The following THOC5 variants were observed in gnomAD, a reference collection of about 807,000 sequenced individuals.
THOC5 encodes the protein Fms-interacting protein.
In THOC5, 43 loss-of-function variants were observed where a neutral mutation model predicts 92.9. The ratio of observed to expected loss-of-function variants is 0.46; its 90% confidence interval spans 0.36 to 0.60. The LOEUF (loss-of-function observed/expected upper bound fraction) is 0.60, where lower values mean the gene tolerates loss of function less well. THOC5 is among the 20% of genes least tolerant of loss of function. THOC5 has a pLI of 0.00. For missense variants in THOC5, 659 were observed against 849.4 expected (o/e 0.78, Z 2.79); for synonymous variants, 296 against 320.1 (o/e 0.92, Z 0.80).
At position 29,542,987 on chromosome 22, in the gene THOC5, G is replaced by A. The variant is rs117812970; in HGVS notation, c.355-31C>T. ...AGGAAAATACGATCAGAAGTGAGCA[G>A]GGCAAGTCAGGATGGAGCAGAGGAG... On this transcript the variant is annotated intron_variant, in intron 4 of 19. Transcript: ENST00000490103. The A allele has an allele frequency of 1.4e-3, 2,132 of 1,539,092 alleles. 5 individuals carry two copies. Among genetic ancestry groups the A allele is most frequent in the South Asian group, 3.1e-3 (276 of 88,000 alleles).
chr22:29,514,809 A>T (rs1441481233), intron 17 of THOC5, among the ~76,000 whole-genome samples: 2 of 148,942 alleles, frequency 1.3e-5, no homozygotes, highest in African/African-American at 5.0e-5. Flanking sequence ...GGGTTCGAGC[A>T]ATTCTCCTGC....
At chr22:29,549,024 G>A in intron 2 of THOC5, 28 bp downstream of exon 2, 6 of 1,609,256 alleles carry the variant, frequency 3.7e-6, no homozygotes, top group Non-Finnish European at 5.1e-6. Context: ...TAATTTCTCA[G>A]CAGCATGGCA....
chr22:29,532,849 G>A (rs936679907), intron 7 of THOC5, among the ~76,000 whole-genome samples: 7 of 150,834 alleles, frequency 4.6e-5, no homozygotes, highest in Admixed American at 4.0e-4. Context: ...GTGGGGGCAC[G>A]CACCTGTAAT....
Position 29,528,476 on chromosome 22 carries a change from C to G in THOC5, c.926-10G>C, listed in dbSNP as rs1303028337. On this transcript the variant is annotated splice_polypyrimidine_tract_variant and intron_variant, in intron 9 of 19. Coordinates refer to ENST00000490103, the MANE Select transcript of THOC5 (RefSeq NM_003678.5). ...GAGTCACTCTCGTCATCTGCAGCCA[C>G]AGAGAGAAGGCAGCTAGAGGTGAGG... is the stretch of plus-strand genomic sequence containing the variant. 5 of 1,612,920 alleles carry G rather than the reference C, an allele frequency of 3.1e-6. No individual in the cohort carries two copies. Among genetic ancestry groups the G allele is most frequent in the Non-Finnish European group, 3.4e-6 (4 of 1,180,034 alleles).
chr22:29,550,786 A>T (rs977110568), intron 1 of THOC5: 1 of 152,226 alleles, frequency 6.6e-6, no homozygotes, highest in Non-Finnish European at 1.5e-5. Flanking sequence ...GGTGATGAAG[A>T]TGACCTGGGA....
At chr22:29,526,813 T>C (rs1308547232) in intron 11 of THOC5, among the ~76,000 whole-genome samples, 1 of 152,080 alleles carries the variant, frequency 6.6e-6, no homozygotes, top group African/African-American at 2.4e-5. Flanking sequence ...AAATCCATAA[T>C]CTCAGTCTAA....
chr22:29,528,178 C>T lies in THOC5; in HGVS notation c.967-1G>A, dbSNP rs774470814. ...CCCCCAGTGTGGGTCTCCGGCGCTT[C>T]TGGACAAAGGAAAGTGCCAAGCTGA... On this transcript the variant is annotated splice_acceptor_variant, in intron 10 of 19. Coordinates refer to ENST00000490103, the MANE Select transcript of THOC5 (RefSeq NM_003678.5). LOFTEE classifies it high-confidence loss of function. The T allele has an allele frequency of 6.2e-7, 1 of 1,614,156 alleles. No individual in the cohort carries two copies. The highest frequency in any genetic ancestry group is 8.5e-7 in the Non-Finnish European group (1 of 1,180,016).
At chr22:29,527,240 C>G (rs1478057287) in intron 11 of THOC5, among the ~76,000 whole-genome samples, 1 of 151,966 alleles carries the variant, frequency 6.6e-6, no homozygotes, top group East Asian at 1.9e-4. Context: ...GGCAACATGA[C>G]AAAACCCCAT....
intron 16 of THOC5, 64 bp from the exon 17 acceptor site, chr22:29,517,180 C>T (rs1238692596): frequency 3.7e-6 from 6 of 1,607,136 alleles, no homozygotes; most frequent in African/African-American, 2.7e-5. Context: ...CCCTGCTCTT[C>T]CAGTGAGGTG....
Position 29,517,092 on chromosome 22 carries a change from C to T in THOC5, c.1618G>A (p.Val540Met). 6.2e-7 allele frequency: 1 copy of T among 1,614,176 alleles called. No homozygotes were observed. Among genetic ancestry groups the T allele is most frequent in the Non-Finnish European group, 8.5e-7 (1 of 1,180,036 alleles). ...GTGTCCCCAGCCAGTCCCGCATCCA[C>T]AATGTCTTTGGTGAAGTGCAGCTCC... ...YMELHFTKDI[V>M]DAGLAGDTNL... The change falls in exon 17 of 20, where the codon GTG becomes ATG. Residue 540 changes from valine (V) to methionine (M), a missense_variant. Val to Met is a conservative substitution (Grantham distance 21, BLOSUM62 1). Transcript: ENST00000490103.
chr22:29,532,351 C>T lies in THOC5; in HGVS notation c.715-388G>A, dbSNP rs191091469. ...ATTATAAAAAGATGCCATTTCAATA[C>T]CATCAATAAAACATCAAATAAGAAT... On this transcript the variant is annotated intron_variant, in intron 7 of 19. Coordinates refer to ENST00000490103, the MANE Select transcript of THOC5 (RefSeq NM_003678.5). Among the ~76,000 whole-genome samples the T allele has an allele frequency of 2.5e-4, 38 of 151,980 alleles. No individual in the cohort carries two copies. The East Asian group carries it at 7.0e-3, about 28-fold the overall frequency.
chr22:29,537,506 A>C lies in THOC5; in HGVS notation c.600-768T>G, dbSNP rs190387728. Among the ~76,000 whole-genome samples the C allele has an allele frequency of 2.6e-5, 4 of 152,176 alleles. No individual in the cohort carries two copies. The East Asian group carries it at 7.7e-4, about 29-fold the overall frequency. On this transcript the variant is annotated intron_variant, in intron 6 of 19. Coordinates refer to ENST00000490103, the MANE Select transcript of THOC5 (RefSeq NM_003678.5). Reference sequence around the variant, plus strand: ...ATACAAAAATTAGCTGGGCACAGTGACATGCGCCTGTAATCCCAGCTACTC... The same window carrying C: ...ATACAAAAATTAGCTGGGCACAGTGCCATGCGCCTGTAATCCCAGCTACTC...
At chr22:29,542,437 T>C (rs2063916433) in intron 5 of THOC5, among the ~76,000 whole-genome samples, 1 of 152,186 alleles carries the variant, frequency 6.6e-6, no homozygotes, top group Non-Finnish European at 1.5e-5. Context: ...TCCCAGATCC[T>C]ACAGTTTTCT....
intron 6 of THOC5, among the ~76,000 whole-genome samples, chr22:29,538,868 T>C (rs956597693): frequency 6.7e-6 from 1 of 149,538 alleles, no homozygotes; most frequent in Non-Finnish European, 1.5e-5. Flanking sequence ...CCCAGCACTT[T>C]GGGAAGCCAA....
intron 7 of THOC5, chr22:29,535,334 A>G (rs1410552488): frequency 6.6e-6 from 1 of 152,146 alleles, no homozygotes; most frequent in Non-Finnish European, 1.5e-5. Context: ...AAAGGAAAAA[A>G]AAAAAAAGTG....
At chr22:29,551,329 G>A (rs2064138438) in intron 1 of THOC5, among the ~76,000 whole-genome samples, 1 of 152,140 alleles carries the variant, frequency 6.6e-6, no homozygotes, top group Non-Finnish European at 1.5e-5. Context: ...AGCTACTCAG[G>A]AGGCTGAGGT....
intron 7 of THOC5, among the ~76,000 whole-genome samples, chr22:29,533,674 A>G (rs1181939440): frequency 6.6e-6 from 1 of 152,224 alleles, no homozygotes. Flanking sequence ...AGGCAACCCA[A>G]CAGAAAACAG....
At chr22:29,542,300 G>A (rs977623926) in intron 5 of THOC5, among the ~76,000 whole-genome samples, 1 of 152,174 alleles carries the variant, frequency 6.6e-6, no homozygotes, top group Non-Finnish European at 1.5e-5. Context: ...GATAGGGAGA[G>A]AGACCTGCTT....
Position 29,521,029 on chromosome 22 carries a change from G to C in THOC5, c.1246C>G (p.Pro416Ala), listed in dbSNP as rs2063431349. The change falls in exon 13 of 20, where the codon CCA becomes GCA. Residue 416 changes from proline (P) to alanine (A), a missense_variant. Pro to Ala is a conservative substitution (Grantham distance 27, BLOSUM62 -1). Transcript: ENST00000490103. The stretch of plus-strand genomic sequence containing the variant: ...TTATCAAACTGATACTGATTGGCTG[G>C]ATTCGGAGTTTTCTTTCCATGATCC... ...PGDHGKKTPN[P>A]ANQYQFDKVG... The C allele has an allele frequency of 1.9e-6, 3 of 1,614,142 alleles. No individual in the cohort carries two copies. The highest frequency in any genetic ancestry group is 2.5e-6 in the Non-Finnish European group (3 of 1,179,996).
Sources: gnomAD v4.1 joint callset for allele counts (sites outside exome capture counted in the v4.1 genomes callset) on GRCh38, gnomAD v4.1.1 for gene constraint, MANE v1.5 for transcripts, NCBI Gene and HGNC (gene_info 2026-07-23, HGNC 2026-07-21) for gene names.